Variants in STK39 observed in about 807,000 individuals in gnomAD.
The protein encoded by STK39 is STE20/SPS1-related proline-alanine-rich protein kinase.
A neutral mutation model predicts 77.8 loss-of-function variants in STK39; 20 were observed. The observed-to-expected ratio is 0.26, with a 90% CI of 0.18 to 0.37. The LOEUF is 0.37. Ranked by LOEUF, STK39 falls within the 10% of genes least tolerant of loss-of-function variation. The pLI is 1.00. For missense variants in STK39, 479 were observed against 656.5 expected (o/e 0.73, Z 2.95); for synonymous variants, 246 against 234.1 (o/e 1.05, Z -0.47).
intron 10 of STK39, among the ~76,000 whole-genome samples, chr2:168,116,980 G>GT (rs1394193547): frequency 1.3e-5 from 2 of 152,340 alleles, no homozygotes; most frequent in East Asian, 3.8e-4. Context: ...ACAGGAAAAC[G>GT]TATGTGCATC....
intron 14 of STK39, among the ~76,000 whole-genome samples, chr2:168,018,833 T>C (rs747690485): frequency 1.1e-4 from 17 of 152,158 alleles, no homozygotes; most frequent in Non-Finnish European, 1.3e-4. Context: ...TGGTTCTTTA[T>C]GTCCTACCAC....
chr2:168,176,719 T>C (rs188533757), intron 2 of STK39, among the ~76,000 whole-genome samples: 177 of 152,278 alleles, frequency 1.2e-3, no homozygotes, highest in African/African-American at 4.2e-3. Context: ...CAGATGACAG[T>C]TGAAGACTAC....
At chr2:168,211,481 G>A (rs891701548) in intron 1 of STK39, among the ~76,000 whole-genome samples, 2 of 152,168 alleles carry the variant, frequency 1.3e-5, no homozygotes, top group Non-Finnish European at 2.9e-5. Context: ...GAAGAGACAG[G>A]CCAGGAGTTC....
At chr2:168,224,759 A>T (rs1158386110) in intron 1 of STK39, among the ~76,000 whole-genome samples, 4 of 152,240 alleles carry the variant, frequency 2.6e-5, no homozygotes, top group Admixed American at 6.5e-5. Flanking sequence ...ATTCAAGACC[A>T]CCAGAAGAAA....
At chr2:168,036,044 T>C (rs1684944720) in intron 14 of STK39, among the ~76,000 whole-genome samples, 1 of 152,082 alleles carries the variant, frequency 6.6e-6, no homozygotes, top group Admixed American at 6.5e-5. Flanking sequence ...CTGTCAAAGA[T>C]GGAGGGGAGA....
intron 17 of STK39, 164 bp downstream of exon 17, chr2:167,964,498 G>A (rs1364194270): frequency 1.1e-5 from 7 of 619,898 alleles, no homozygotes; most frequent in African/African-American, 7.5e-5. Context: ...ATCAGAAAAC[G>A]TTCCCTAACG....
At chr2:168,080,768 G>A (rs996397466) in intron 10 of STK39, among the ~76,000 whole-genome samples, 3 of 152,216 alleles carry the variant, frequency 2.0e-5, no homozygotes, top group Admixed American at 1.3e-4. Context: ...TGGGCCCAGG[G>A]TCCCTCTGTT....
intron 16 of STK39, among the ~76,000 whole-genome samples, chr2:167,997,557 C>T (rs987579600): frequency 6.6e-6 from 1 of 152,104 alleles, no homozygotes; most frequent in African/African-American, 2.4e-5. Flanking sequence ...CTAACTTCCC[C>T]AAGTCACATA....
chr2:168,148,635 T>G (rs774660923), intron 5 of STK39, among the ~76,000 whole-genome samples: 36 of 152,180 alleles, frequency 2.4e-4, no homozygotes, highest in Non-Finnish European at 4.7e-4. Flanking sequence ...TAATGCCACT[T>G]TGCACATAGG....
At chr2:168,200,766 AC>A (rs1290094186) in intron 1 of STK39, among the ~76,000 whole-genome samples, 2 of 152,162 alleles carry the variant, frequency 1.3e-5, no homozygotes, top group African/African-American at 2.4e-5. Context: ...ATTTTTCACT[AC>A]CATTTAACCA....
intron 1 of STK39, among the ~76,000 whole-genome samples, chr2:168,236,570 T>C (rs1173860220): frequency 4.6e-5 from 7 of 152,198 alleles, no homozygotes; most frequent in Non-Finnish European, 1.0e-4. Flanking sequence ...TCTTCTAGGG[T>C]TTTTATGGTT....
rs2105268398 is a variant in STK39 at position 168,235,105 on chromosome 2, T to C, written c.208+12123A>G. Among the ~76,000 whole-genome samples the C allele has an allele frequency of 2.0e-5, 3 of 152,166 alleles. No individual in the cohort carries two copies. In the Middle Eastern group the frequency reaches 0.01, roughly 518 times the overall value. ...CAGGCTGGAGTGCAGCGGCGTGATC[T>C]TGGCTCACTGCAACCACCGCTTCTC... On this transcript the variant is annotated intron_variant, in intron 1 of 17. Coordinates refer to ENST00000355999, the MANE Select transcript of STK39 (RefSeq NM_013233.3).
At chr2:168,175,236 A>T (rs1385804845) in intron 2 of STK39, among the ~76,000 whole-genome samples, 2 of 152,222 alleles carry the variant, frequency 1.3e-5, no homozygotes, top group East Asian at 3.8e-4. Flanking sequence ...ATTTTCCTGA[A>T]GTCTAGAAGA....
chr2:168,147,213 T>A (rs1356347814), intron 5 of STK39, among the ~76,000 whole-genome samples: 1 of 152,214 alleles, frequency 6.6e-6, no homozygotes, highest in Non-Finnish European at 1.5e-5. Context: ...TGAAAACCTA[T>A]CTCTTTATAA....
At chr2:168,018,768 G>A (rs1684497474) in intron 14 of STK39, among the ~76,000 whole-genome samples, 1 of 151,974 alleles carries the variant, frequency 6.6e-6, no homozygotes, top group Non-Finnish European at 1.5e-5. Flanking sequence ...TGTGAACTGT[G>A]CCCAAACCAC....
intron 10 of STK39, among the ~76,000 whole-genome samples, chr2:168,122,399 T>C (rs1687432101): frequency 6.6e-6 from 1 of 152,176 alleles, no homozygotes. Flanking sequence ...TATTCCATAG[T>C]GTATATGTAC....
intron 10 of STK39, among the ~76,000 whole-genome samples, chr2:168,093,448 G>C (rs1296683691): frequency 6.6e-6 from 1 of 152,090 alleles, no homozygotes; most frequent in Non-Finnish European, 1.5e-5. Flanking sequence ...AAAACCATCA[G>C]ATCTCATGAG....
At chr2:168,060,166 G>C (rs1685627622) in intron 14 of STK39, among the ~76,000 whole-genome samples, 1 of 151,286 alleles carries the variant, frequency 6.6e-6, no homozygotes, top group Non-Finnish European at 1.5e-5. Flanking sequence ...ATTTCTCAGA[G>C]ATTCATGAGT....
intron 17 of STK39, among the ~76,000 whole-genome samples, chr2:167,959,642 G>C (rs1691887975): frequency 6.6e-6 from 1 of 152,196 alleles, no homozygotes; most frequent in African/African-American, 2.4e-5. Flanking sequence ...GTATAATGAA[G>C]GAGGGATTCC....
Sources: gnomAD v4.1 joint callset for allele counts (sites outside exome capture counted in the v4.1 genomes callset) on GRCh38, gnomAD v4.1.1 for gene constraint, MANE v1.5 for transcripts, NCBI Gene and HGNC (gene_info 2026-07-23, HGNC 2026-07-21) for gene names.